The following TNKS variants were observed in gnomAD, a reference collection of about 807,000 sequenced individuals.
TNKS encodes poly [ADP-ribose] polymerase tankyrase-1.
In TNKS, 72 loss-of-function variants were observed where a neutral mutation model predicts 135.8. The ratio of observed to expected loss-of-function variants is 0.53; its 90% CI spans 0.44 to 0.64. The LOEUF (loss-of-function observed/expected upper bound fraction) is 0.64, where lower values mean the gene tolerates loss of function less well. TNKS is among the 30% of genes least tolerant of loss of function. The pLI is 0.00. For missense variants in TNKS, 1,769 were observed against 1,674.0 expected (o/e 1.06, Z -0.99); for synonymous variants, 849 against 649.3 (o/e 1.31, Z -4.68).
chr8:9,576,666 A>G (rs1203404363), intron 1 of TNKS, among the ~76,000 whole-genome samples: 2 of 151,896 alleles, frequency 1.3e-5, no homozygotes, highest in East Asian at 1.9e-4. Flanking sequence ...CTGTGACCCA[A>G]TCACTTCCCA....
chr8:9,772,357 T>C (rs1315596901), intron 26 of TNKS: 1 of 455,180 alleles, frequency 2.2e-6, no homozygotes, highest in South Asian at 1.6e-5. Context: ...TAGGCTTATA[T>C]TATCTCTCTA....
At chr8:9,684,268 A>G (rs1802897821) in intron 5 of TNKS, among the ~76,000 whole-genome samples, 1 of 152,048 alleles carries the variant, frequency 6.6e-6, no homozygotes, top group Non-Finnish European at 1.5e-5. Context: ...TTATATCAGT[A>G]TCAGATGTTT....
chr8:9,689,414 A>T (rs1803158559), intron 5 of TNKS, among the ~76,000 whole-genome samples: 1 of 152,222 alleles, frequency 6.6e-6, no homozygotes, highest in Non-Finnish European at 1.5e-5. Context: ...TAATCACTTG[A>T]AATGCATATT....
Position 9,710,209 on chromosome 8 carries a change from C to T in TNKS, c.1738C>T (p.His580Tyr). The T allele has an allele frequency of 6.2e-7, 1 of 1,614,218 alleles. No individual in the cohort carries two copies. The highest frequency in any genetic ancestry group is 8.5e-7 in the Non-Finnish European group (1 of 1,180,034). Residue 580 changes from histidine to tyrosine, a missense_variant, in exon 11 of 27, where the codon CAT becomes TAT. Transcript: ENST00000310430. The stretch of plus-strand genomic sequence containing the variant: ...TGATGTCATGGAAGTTCTGCATAAG[C>T]ATGGCGCCAAGGTGAGGCACACACC... ...HNDVMEVLHK[H>Y]GAKMNALDTL... is the part of the protein sequence containing the mutation.
chr8:9,591,387 G>A (rs1176809326), intron 2 of TNKS, among the ~76,000 whole-genome samples: 1 of 152,136 alleles, frequency 6.6e-6, no homozygotes, highest in South Asian at 2.1e-4. Context: ...CTGTTATAAC[G>A]CTGGATGTAT....
chr8:9,569,113 T>C (rs12675511), intron 1 of TNKS, among the ~76,000 whole-genome samples: 37,685 of 152,182 alleles, frequency 0.25, 4,873 homozygotes, highest in East Asian at 0.4. Flanking sequence ...CTTATAGCAA[T>C]AGTTGCAAGT....
In TNKS at chr8:9,640,889, C is replaced by G. The variant is rs185556208; in HGVS notation, c.994+25212C>G. 3.1e-4 allele frequency among the ~76,000 whole-genome samples: 46 copies of G among 146,308 alleles called. 5 individuals are homozygous for G. In the East Asian group the frequency reaches 8.9e-3, roughly 28 times the overall value. On this transcript the variant is annotated intron_variant, in intron 3 of 26. Transcript: ENST00000310430. ...CACAACATACCCAACATCCTTCTCA[C>G]CTGGCTAATGTGAATGACAGCTACT...
intron 17 of TNKS, chr8:9,740,833 T>TTTTTG (rs1805912633): frequency 1.4e-5 from 2 of 140,312 alleles, no homozygotes; most frequent in Admixed American, 1.4e-4. Flanking sequence ...GTTGTTTTTT[T>TTTTTG]TTTTTTTTTT....
intron 18 of TNKS, among the ~76,000 whole-genome samples, chr8:9,750,160 A>C (rs1229400297): frequency 1.3e-5 from 2 of 152,162 alleles, no homozygotes; most frequent in Non-Finnish European, 2.9e-5. Flanking sequence ...GGTTTTTTAA[A>C]GATTTTGAGG....
At chr8:9,735,724 C>A (rs549316321) in intron 17 of TNKS, among the ~76,000 whole-genome samples, 2 of 151,936 alleles carry the variant, frequency 1.3e-5, no homozygotes, top group Non-Finnish European at 2.9e-5. Flanking sequence ...GGCATGAACC[C>A]GGGAGGCGGA....
chr8:9,740,627 T>C (rs1394450098), intron 17 of TNKS, among the ~76,000 whole-genome samples: 1 of 152,176 alleles, frequency 6.6e-6, no homozygotes, highest in African/African-American at 2.4e-5. Flanking sequence ...GTGTTAGTAC[T>C]GAAATCCTCT....
intron 2 of TNKS, among the ~76,000 whole-genome samples, chr8:9,613,331 C>T (rs1361775193): frequency 2.0e-5 from 3 of 152,146 alleles, no homozygotes; most frequent in African/African-American, 7.2e-5. Flanking sequence ...GATTGTCATG[C>T]TCCCTGACCA....
intron 3 of TNKS, among the ~76,000 whole-genome samples, chr8:9,675,994 A>T (rs1190147254): frequency 6.6e-6 from 1 of 151,488 alleles, no homozygotes; most frequent in Non-Finnish European, 1.5e-5. Flanking sequence ...TGGTTGAAAG[A>T]GAAAAGTCAG....
At chr8:9,592,388 A>T (rs1263126242) in intron 2 of TNKS, among the ~76,000 whole-genome samples, 1 of 152,154 alleles carries the variant, frequency 6.6e-6, no homozygotes, top group Non-Finnish European at 1.5e-5. Flanking sequence ...CATACTTTTC[A>T]TATTCCCGGT....
intron 1 of TNKS, chr8:9,566,394 T>C (rs566443109): frequency 6.6e-6 from 1 of 152,258 alleles, no homozygotes; most frequent in East Asian, 1.9e-4. Flanking sequence ...AAAATATAAC[T>C]GTTATCCTAT....
chr8:9,603,972 A>G (rs1799121314), intron 2 of TNKS, among the ~76,000 whole-genome samples: 1 of 152,188 alleles, frequency 6.6e-6, no homozygotes, highest in Non-Finnish European at 1.5e-5. Flanking sequence ...AAAAACAAAG[A>G]TGTTAATAAT....
At position 9,642,932 on chromosome 8, in the gene TNKS, C is replaced by T. The variant is rs796174967; in HGVS notation, c.994+27255C>T. 3.4e-5 allele frequency among the ~76,000 whole-genome samples: 5 copies of T among 146,072 alleles called. 1 individual carries two copies. The South Asian group carries it at 1.1e-3, about 32-fold the overall frequency. Reference sequence around the variant, plus strand: ...TATTGTTATAAAGTAACTGATTATACTCTACCCCCATAATAGTAAGGAGAG... The same window carrying T: ...TATTGTTATAAAGTAACTGATTATATTCTACCCCCATAATAGTAAGGAGAG... On this transcript the variant is annotated intron_variant, in intron 3 of 26. Coordinates refer to ENST00000310430, the MANE Select transcript of TNKS (RefSeq NM_003747.3).
At chr8:9,671,098 G>T (rs1386815129) in intron 3 of TNKS, 1 of 152,144 alleles carries the variant, frequency 6.6e-6, no homozygotes. Context: ...TGCCATCATA[G>T]TTCTCAGTAG....
At chr8:9,569,968 T>C (rs1432723952) in intron 1 of TNKS, among the ~76,000 whole-genome samples, 1 of 152,330 alleles carries the variant, frequency 6.6e-6, no homozygotes, top group East Asian at 1.9e-4. Flanking sequence ...GTTTGTTTTC[T>C]TCTATTGCTT....
Sources: gnomAD v4.1 joint callset for allele counts (sites outside exome capture counted in the v4.1 genomes callset) on GRCh38, gnomAD v4.1.1 for gene constraint, MANE v1.5 for transcripts, NCBI Gene and HGNC (gene_info 2026-07-23, HGNC 2026-07-21) for gene names.